The following EPPIN variants were observed in gnomAD, a reference collection of about 807,000 sequenced individuals.
EPPIN encodes the protein epididymal peptidase inhibitor, also known as WAP four-disulfide core domain protein 7.
A neutral mutation model predicts 18.8 loss-of-function variants in EPPIN; 14 were observed. The observed-to-expected ratio is 0.75, with a 90% CI of 0.49 to 1.17. The LOEUF is 1.17. Ranked by LOEUF, EPPIN falls within the 50% of genes most tolerant of loss-of-function variation. The probability of loss-of-function intolerance (pLI) is 0.00; values close to 1 mark genes in which losing one functional copy is unlikely to be tolerated. For synonymous variants in EPPIN, 57 were observed against 54.8 expected, an observed-to-expected ratio of 1.04 and a Z score of -0.18; for missense variants, 143 against 154.2, an observed-to-expected ratio of 0.93 and a Z score of 0.39.
chr20:45,542,140 C>T lies in EPPIN; in HGVS notation c.*4G>A, dbSNP rs766974861. On this transcript the variant is annotated 3_prime_UTR_variant, in exon 4 of 4. Transcript: ENST00000354280. Reference sequence around the variant, plus strand: ...GGCAGTTCTTCCAGTGCATCCTTATCCAATCAGGGAAAGCCTGCAGAGAAC... The same window carrying T: ...GGCAGTTCTTCCAGTGCATCCTTATTCAATCAGGGAAAGCCTGCAGAGAAC... 8 of 1,613,574 alleles carry T rather than the reference C, an allele frequency of 5.0e-6. No homozygotes were observed. The highest frequency in any genetic ancestry group is 1.6e-4 in the Middle Eastern group (1 of 6,078).
chr20:45,547,365 A>G lies in EPPIN; in HGVS notation c.-8T>C, dbSNP rs1178210631. On this transcript the variant is annotated 5_prime_UTR_variant, in exon 1 of 4. Coordinates refer to ENST00000354280, the MANE Select transcript of EPPIN (RefSeq NM_020398.4). ...AAGTCCAGAAGATCCCATGTTGAAG[A>G]GAGGCCAGCCTTTCTGGTGGTTCCC... 6.2e-7 allele frequency: 1 copy of G among 1,613,606 alleles called. No homozygotes were observed. The highest frequency in any genetic ancestry group is 1.3e-5 in the African/African-American group (1 of 75,056).
chr20:45,542,160 G>A lies in EPPIN; in HGVS notation c.392-6C>T. On this transcript the variant is annotated splice_polypyrimidine_tract_variant and splice_region_variant and intron_variant, in intron 3 of 3. Coordinates refer to ENST00000354280, the MANE Select transcript of EPPIN (RefSeq NM_020398.4). The stretch of plus-strand genomic sequence containing the variant: ...CTTATCCAATCAGGGAAAGCCTGCA[G>A]AGAACGTAGGACAGAAACAGCTGAG... 1 of 1,613,612 alleles carries A rather than the reference G, an allele frequency of 6.2e-7. No homozygotes were observed. Among genetic ancestry groups the A allele is most frequent in the Non-Finnish European group, 8.5e-7 (1 of 1,179,750 alleles).
Position 45,542,778 on chromosome 20 carries a change from A to C in EPPIN, c.313T>G (p.Phe105Val). The change falls in exon 3 of 4, where the codon TTT (phenylalanine) becomes GTT (valine). Residue 105 changes from phenylalanine (F) to valine (V), a missense_variant. Transcript: ENST00000354280. Reference protein sequence around the residue: ...YDKKDNTCSMFVYGGCQGNNN... With the variant: ...YDKKDNTCSMVVYGGCQGNNN... The stretch of plus-strand genomic sequence containing the variant: ...TTTCCCTGGCAGCCACCATAGACAA[A>C]CATGGAGCAAGTATTATCTTTCTTG... 1 of 1,613,992 alleles carries C rather than the reference A, an allele frequency of 6.2e-7. No homozygotes were observed. Among genetic ancestry groups the C allele is most frequent in the Non-Finnish European group, 8.5e-7 (1 of 1,179,908 alleles).
rs1052987115 is a variant in EPPIN at position 45,542,295 on chromosome 20, A to G, written c.392-141T>C. The stretch of plus-strand genomic sequence containing the variant: ...CTTTGGGGAGCTCTCCATCTCCTTC[A>G]AGGAAAAACAAATAGGAGTGAATCG... On this transcript the variant is annotated intron_variant, in intron 3 of 3. Transcript: ENST00000354280. 2.1e-5 allele frequency: 23 copies of G among 1,075,246 alleles called. 1 individual carries two copies. In the Middle Eastern group the frequency reaches 8.3e-4, roughly 39 times the overall value. 66.6% of individuals were successfully genotyped at this position (1,075,246 alleles called of 1,614,324 possible).
chr20:45,542,509 C>T, intron 3 of EPPIN, 191 bp downstream of exon 3: 2 of 807,758 alleles, frequency 2.5e-6, no homozygotes, highest in Non-Finnish European at 3.8e-6. Context: ...CCTTCTCATC[C>T]TCAGTTCCTC....
At chr20:45,542,219 GT>G in intron 3 of EPPIN, 65 bp from the exon 4 acceptor site, 1 of 1,603,170 alleles carries the variant, frequency 6.2e-7, no homozygotes, top group Non-Finnish European at 8.5e-7. Context: ...GGAGCTTGAA[GT>G]TATGTTTATA....
intron 2 of EPPIN, chr20:45,545,295 A>G (rs904730681): frequency 5.9e-5 from 16 of 272,952 alleles, no homozygotes; most frequent in Admixed American, 2.4e-4. Flanking sequence ...TGCTTAATTT[A>G]TCACTTGCAG....
Position 45,541,529 on chromosome 20 carries a change from C to T in EPPIN, c.*615G>A, listed in dbSNP as rs958187816. On this transcript the variant is annotated 3_prime_UTR_variant, in exon 4 of 4. Transcript: ENST00000354280. The stretch of plus-strand genomic sequence containing the variant: ...CTCTTCCCTTCTCTTCCCTGAATTA[C>T]TCATCTCACTCCCCATCTTGTATGT... The T allele has an allele frequency of 6.6e-6, 1 of 152,314 alleles. No homozygotes were observed. The highest frequency in any genetic ancestry group is 1.5e-5 in the Non-Finnish European group (1 of 68,150). The allele number at this position is 152,314 out of a possible 1,614,324, so 9.4% of individuals were successfully genotyped here.
chr20:45,545,144 T>A (rs6032291), intron 2 of EPPIN: 7,139 of 156,170 alleles, frequency 0.046, 377 homozygotes, highest in African/African-American at 0.11. Context: ...CATCCCAGGG[T>A]GATGGGCATG....
At position 45,545,697 on chromosome 20, in the gene EPPIN, C is replaced by G. The variant is rs775112653; in HGVS notation, c.165G>C (p.Gln55His). The stretch of plus-strand genomic sequence containing the variant: ...TGAAGACACAACACTTCTTGTTGTC[C>G]TGGCATTGTCTGTCCTTTGTACACA... ...RDVCTKDRQC[Q>H]DNKKCCVFSC... Residue 55 changes from glutamine to histidine, a missense_variant, in exon 2 of 4, where the codon CAG (glutamine) becomes CAC (histidine). Gln to His is a conservative substitution (Grantham distance 24). Coordinates refer to ENST00000354280, the MANE Select transcript of EPPIN (RefSeq NM_020398.4). 6 of 1,614,110 alleles carry G rather than the reference C, an allele frequency of 3.7e-6. No individual in the cohort carries two copies. The highest frequency in any genetic ancestry group is 1.6e-4 in the Middle Eastern group (1 of 6,062).
At position 45,545,668 on chromosome 20, in the gene EPPIN, C is replaced by T; in HGVS notation, c.194G>A (p.Cys65Tyr). Residue 65 changes from cysteine (C) to tyrosine (Y), a missense_variant, in exon 2 of 4, where the codon TGC becomes TAC. Coordinates refer to ENST00000354280, the MANE Select transcript of EPPIN (RefSeq NM_020398.4). The part of the protein sequence containing the change: ...QDNKKCCVFS[C>Y]GKKCLDLKQD... ...TTTGAGATCTAAACATTTTTTTCCG[C>T]AGCTGAAGACACAACACTTCTTGTT... is the stretch of plus-strand genomic sequence containing the variant. 1.2e-6 allele frequency: 2 copies of T among 1,614,008 alleles called. No homozygotes were observed. The highest frequency in any genetic ancestry group is 1.7e-6 in the Non-Finnish European group (2 of 1,179,918).
chr20:45,542,366 T>C, intron 3 of EPPIN: 1 of 683,192 alleles, frequency 1.5e-6, no homozygotes, highest in Admixed American at 3.0e-5. Flanking sequence ...GAAGGGTTGG[T>C]TGGTCAACGT....
chr20:45,547,337 C>T lies in EPPIN; in HGVS notation c.21G>A (p.Leu7=). 1 of 1,613,894 alleles carries T rather than the reference C, an allele frequency of 6.2e-7. No homozygotes were observed. The change falls in exon 1 of 4, where the codon TTG becomes TTA. Residue 7 remains leucine, a synonymous_variant. Transcript: ENST00000354280. ...AGAGGACGAATAGCACCAGGAGGCT[C>T]AAAAGTCCAGAAGATCCCATGTTGA... The part of the protein sequence containing the change: MGSSGL[L]SLLVLFVLLA...
At position 45,547,219 on chromosome 20, in the gene EPPIN, C is replaced by A. The variant is rs752038013; in HGVS notation, c.91+48G>T. The A allele has an allele frequency of 3.1e-6, 5 of 1,611,946 alleles. No individual in the cohort carries two copies. The South Asian group carries it at 5.5e-5, about 18-fold the overall frequency. On this transcript the variant is annotated intron_variant, in intron 1 of 3. Coordinates refer to ENST00000354280, the MANE Select transcript of EPPIN (RefSeq NM_020398.4). ...AAGAGTTCTTCCCTGTTCCTTCCTC[C>A]CAGCAAACTCCCCTCTCTCTAGGGT...
chr20:45,541,850 A>G lies in EPPIN; in HGVS notation c.*294T>C, dbSNP rs1979602843. ...ACTCAGCCTCAAGGCACAGGACTAC[A>G]TCAAGTACTTTACTGGAAAAAATTG... On this transcript the variant is annotated 3_prime_UTR_variant, in exon 4 of 4. Transcript: ENST00000354280. 2.4e-6 allele frequency: 1 copy of G among 411,456 alleles called. No homozygotes were observed. Among genetic ancestry groups the G allele is most frequent in the African/African-American group, 2.0e-5 (1 of 50,072 alleles). 25.5% of individuals were successfully genotyped at this position (411,456 alleles called of 1,614,324 possible).
intron 2 of EPPIN, 194 bp downstream of exon 2, chr20:45,545,445 C>T: frequency 1.2e-6 from 1 of 833,862 alleles, no homozygotes; most frequent in Non-Finnish European, 1.8e-6. Flanking sequence ...CAGACATTAC[C>T]TGATAGGATA....
chr20:45,542,077 A>G lies in EPPIN; in HGVS notation c.*67T>C. The G allele has an allele frequency of 1.3e-6, 2 of 1,593,966 alleles. No individual in the cohort carries two copies. Among genetic ancestry groups the G allele is most frequent in the Non-Finnish European group, 1.7e-6 (2 of 1,168,126 alleles). ...TGGAAGCCAGTCTGGAGCATCCGTC[A>G]GGTACAGGAACAGTACTCAGAGCAT... On this transcript the variant is annotated 3_prime_UTR_variant, in exon 4 of 4. Transcript: ENST00000354280.
At position 45,541,918 on chromosome 20, in the gene EPPIN, T is replaced by G; in HGVS notation, c.*226A>C. ...AACTGGGAGTTCTAGAAGTTGGAGATAAAGGGGACATAAAGATGAAATCAA... is the reference window on the plus strand; with the variant it reads ...AACTGGGAGTTCTAGAAGTTGGAGAGAAAGGGGACATAAAGATGAAATCAA... On this transcript the variant is annotated 3_prime_UTR_variant, in exon 4 of 4. Coordinates refer to ENST00000354280, the MANE Select transcript of EPPIN (RefSeq NM_020398.4). 1 of 527,828 alleles carries G rather than the reference T, an allele frequency of 1.9e-6. No homozygotes were observed. The highest frequency in any genetic ancestry group is 3.3e-6 in the Non-Finnish European group (1 of 299,990). The allele number at this position is 527,828 out of a possible 1,614,324, so 32.7% of individuals were successfully genotyped here.
rs1979876666 is a variant in EPPIN, at chr20:45,547,290, C to A, written c.68G>T (p.Gly23Val). ...ACTGGGAAATAACCAATCAGTCAGA[C>A]CAGGTCCCTGGACATTCGCTAAGAG... is the stretch of plus-strand genomic sequence containing the variant. The part of the protein sequence containing the change: ...FVLLANVQGP[G>V]LTDWLFPRRC... Residue 23 changes from glycine to valine, a missense_variant, in exon 1 of 4, where the codon GGT becomes GTT. Physicochemically the swap from Gly to Val is moderately radical, Grantham distance 109. Transcript: ENST00000354280. 1 of 1,613,826 alleles carries A rather than the reference C, an allele frequency of 6.2e-7. No homozygotes were observed. The highest frequency in any genetic ancestry group is 1.3e-5 in the African/African-American group (1 of 74,904).
Sources: allele counts gnomAD v4.1 joint callset, GRCh38; gene constraint gnomAD v4.1.1; transcripts MANE v1.5; gene names NCBI Gene and HGNC (gene_info 2026-07-23, HGNC 2026-07-21).